Variants in VEGFD observed in about 807,000 individuals in gnomAD.
The protein encoded by VEGFD is c-fos induced growth factor (vascular endothelial growth factor D).
A neutral mutation model predicts 28.0 loss-of-function variants in VEGFD; 26 were observed. That is an observed-to-expected ratio of 0.93 (90% CI 0.68 to 1.29). The LOEUF (loss-of-function observed/expected upper bound fraction) is 1.29. VEGFD is among the 50% of genes most tolerant of loss of function. VEGFD has a pLI of 0.00. For missense variants in VEGFD, 294 were observed against 273.4 expected, an observed-to-expected ratio of 1.08 and a Z score of -0.53; for synonymous variants, 93 against 95.5, an observed-to-expected ratio of 0.97 and a Z score of 0.15.
chrX:15,355,332 T>G lies in VEGFD; in HGVS notation c.493-34A>C, dbSNP rs187053601. On this transcript the variant is annotated intron_variant, in intron 3 of 6. Transcript: ENST00000297904. ...GAGAAAGATAACCACAATATATTTT[T>G]TTAATTTTATATATCATTTTTAAAG... The G allele has an allele frequency of 3.7e-6, 4 of 1,083,219 alleles. No individual in the cohort carries two copies. The East Asian group carries it at 1.4e-4, about 38-fold the overall frequency. The allele number at this position is 1,083,219 out of a possible 1,213,427, so 89.3% of individuals were successfully genotyped here.
At chrX:15,351,202 G>A (rs1455501561) in intron 5 of VEGFD, among the ~76,000 whole-genome samples, 13 of 93,991 alleles carry the variant, frequency 1.4e-4, no homozygotes, top group South Asian at 5.5e-4. Flanking sequence ...TGCAAGCTCC[G>A]CCTCCCGGGT....
At chrX:15,356,932 A>G (rs1233528341) in intron 3 of VEGFD, among the ~76,000 whole-genome samples, 3 of 112,314 alleles carry the variant, frequency 2.7e-5, no homozygotes, top group Non-Finnish European at 5.6e-5. Context: ...ATTACCTAAC[A>G]TGGATATATT....
chrX:15,372,368 T>C (rs1267695160), intron 1 of VEGFD, among the ~76,000 whole-genome samples: 2 of 111,445 alleles, frequency 1.8e-5, no homozygotes, highest in African/African-American at 6.5e-5. Flanking sequence ...TAGCACTTTG[T>C]ATCGTTATAT....
intron 2 of VEGFD, 80 bp downstream of exon 2, chrX:15,363,029 C>G (rs919467075): frequency 2.1e-6 from 2 of 943,913 alleles, no homozygotes; most frequent in Non-Finnish European, 3.0e-6. Context: ...GTCTGCCCTA[C>G]GCAGACTTTT....
chrX:15,347,874 T>C (rs1012879630), intron 5 of VEGFD, among the ~76,000 whole-genome samples: 2 of 111,863 alleles, frequency 1.8e-5, no homozygotes, highest in African/African-American at 6.5e-5. Flanking sequence ...ATAATGAACT[T>C]TGATTCCACC....
Position 15,353,107 on chromosome X carries a change from A to G in VEGFD, c.703T>C (p.Cys235Arg), listed in dbSNP as rs1485893796. 1 of 1,190,093 alleles carries G rather than the reference A, an allele frequency of 8.4e-7. No individual in the cohort carries two copies. Among genetic ancestry groups the G allele is most frequent in the Non-Finnish European group, 1.1e-6 (1 of 881,495 alleles). ...DMLWDSNKCK[C>R]VLQEENPLAG... ...AGTGGATTTTCCTCCTGCAAAACACATTTACATTTGTTGCTATCCCATAGC... is the reference window on the plus strand; with the variant it reads ...AGTGGATTTTCCTCCTGCAAAACACGTTTACATTTGTTGCTATCCCATAGC... The change falls in exon 5 of 7, where the codon TGT (cysteine) becomes CGT (arginine). Residue 235 changes from cysteine to arginine, a missense_variant. By Grantham distance (180) the Cys-to-Arg change is radical (BLOSUM62 -3). Transcript: ENST00000297904.
intron 3 of VEGFD, among the ~76,000 whole-genome samples, chrX:15,355,806 C>A (rs1922853527): frequency 8.9e-6 from 1 of 111,764 alleles, no homozygotes; most frequent in African/African-American, 3.3e-5. Flanking sequence ...ATGCTATAGC[C>A]ATGAAAAGAA....
intron 1 of VEGFD, among the ~76,000 whole-genome samples, chrX:15,369,498 CA>C (rs1227198097): frequency 9.0e-6 from 1 of 111,483 alleles, no homozygotes; most frequent in Non-Finnish European, 1.9e-5. Context: ...AAAGGACTGA[CA>C]ATACCAAGTG....
At chrX:15,377,011 G>A (rs1923454780) in intron 1 of VEGFD, among the ~76,000 whole-genome samples, 1 of 111,893 alleles carries the variant, frequency 8.9e-6, no homozygotes, top group Non-Finnish European at 1.9e-5. Flanking sequence ...ATATGTGAGT[G>A]TTATAGTTAC....
At chrX:15,361,092 C>T (rs12845125) in intron 2 of VEGFD, among the ~76,000 whole-genome samples, 8,977 of 112,054 alleles carry the variant, frequency 0.08, 459 homozygotes, top group African/African-American at 0.19. Context: ...TAGTAAATAA[C>T]TTCAGATGAT....
At chrX:15,352,172 A>G (rs1056631239) in intron 5 of VEGFD, among the ~76,000 whole-genome samples, 4 of 112,475 alleles carry the variant, frequency 3.6e-5, no homozygotes, top group Non-Finnish European at 7.5e-5. Context: ...AAGGAAGCTG[A>G]GAGGCAGAAG....
rs756893363 is a variant in VEGFD, at chrX:15,383,885, C to G, written c.62G>C (p.Gly21Ala). The part of the protein sequence containing the change: ...FMMLYVQLVQ[G>A]SSNEHGPVKR... ...CACTGGTCCATGTTCATTACTGGAG[C>G]CCTGCACCAGCTGGACGTACAACAT... Residue 21 changes from glycine to alanine, a missense_variant, in exon 1 of 7, where the codon GGC becomes GCC. Gly to Ala is a moderately conservative substitution (Grantham distance 60, BLOSUM62 0). Coordinates refer to ENST00000297904, the MANE Select transcript of VEGFD (RefSeq NM_004469.5). 4 of 1,209,453 alleles carry G rather than the reference C, an allele frequency of 3.3e-6. No individual in the cohort carries two copies. Among genetic ancestry groups the G allele is most frequent in the Non-Finnish European group, 4.5e-6 (4 of 893,306 alleles).
At chrX:15,364,064 A>C (rs1230147116) in intron 1 of VEGFD, among the ~76,000 whole-genome samples, 1 of 112,041 alleles carries the variant, frequency 8.9e-6, no homozygotes, top group Non-Finnish European at 1.9e-5. Context: ...AGCTACTGAC[A>C]GTTGTTTTCA....
intron 1 of VEGFD, among the ~76,000 whole-genome samples, chrX:15,382,450 T>C (rs1923603775): frequency 8.9e-6 from 1 of 112,158 alleles, no homozygotes; most frequent in East Asian, 2.8e-4. Context: ...TTCAGTCTCC[T>C]TTATTATACC....
rs1922526631 is a variant in VEGFD, at chrX:15,345,628, T to A, written c.*505A>T. 1 of 113,077 alleles carries A rather than the reference T, an allele frequency of 8.8e-6. No individual in the cohort carries two copies. Among genetic ancestry groups the A allele is most frequent in the Admixed American group, 9.3e-5 (1 of 10,728 alleles). The allele number at this position is 113,077 out of a possible 1,213,427, so 9.3% of individuals were successfully genotyped here. A position where few individuals can be genotyped will look rare whatever the true frequency, so the allele number is the denominator to read the frequency against. On this transcript the variant is annotated 3_prime_UTR_variant, in exon 7 of 7. Coordinates refer to ENST00000297904, the MANE Select transcript of VEGFD (RefSeq NM_004469.5). ...AATAATGGTGTTTATTTTCTTTAAA[T>A]ACACTTAAATATGAAACATCAGATG...
chrX:15,383,460 C>T (rs1923636886), intron 1 of VEGFD, among the ~76,000 whole-genome samples: 1 of 112,405 alleles, frequency 8.9e-6, no homozygotes, highest in African/African-American at 3.2e-5. Context: ...AACGAATAAA[C>T]TAACCTCTGC....
At chrX:15,371,790 C>T (rs998866836) in intron 1 of VEGFD, among the ~76,000 whole-genome samples, 3 of 112,114 alleles carry the variant, frequency 2.7e-5, no homozygotes, top group Non-Finnish European at 5.6e-5. Flanking sequence ...CTATCAGTAG[C>T]GCCATTGAAC....
At chrX:15,363,912 C>T (rs1923081719) in intron 1 of VEGFD, among the ~76,000 whole-genome samples, 1 of 112,260 alleles carries the variant, frequency 8.9e-6, no homozygotes, top group Non-Finnish European at 1.9e-5. Context: ...TGCAGCCTTG[C>T]TGACCCTTCC....
chrX:15,359,636 C>A (rs1351208201), intron 2 of VEGFD, among the ~76,000 whole-genome samples: 3 of 110,615 alleles, frequency 2.7e-5, no homozygotes, highest in African/African-American at 6.6e-5. Context: ...TGAGTGAGAA[C>A]ATGCGGTGTT....
Sources: allele counts gnomAD v4.1 joint callset (sites outside exome capture counted in the v4.1 genomes callset), GRCh38; gene constraint gnomAD v4.1.1; transcripts MANE v1.5; gene names NCBI Gene and HGNC (gene_info 2026-07-23, HGNC 2026-07-21).